DPP6: variants seen among roughly 807,000 people sequenced by gnomAD.
DPP6 encodes A-type potassium channel modulatory protein DPP6.
Under a neutral mutation model 122.6 loss-of-function variants are expected in DPP6, and 69 were observed. The observed-to-expected ratio is 0.56, with a 90% confidence interval of 0.46 to 0.69. DPP6 has a LOEUF of 0.69. Among genes scored for constraint, DPP6 ranks in the 30% least tolerant of loss-of-function variants. The pLI is 0.00. For synonymous variants in DPP6, 418 were observed against 433.1 expected (o/e 0.97, Z 0.43); for missense variants, 928 against 1,116.9 (o/e 0.83, Z 2.41).
intron 8 of DPP6, 56 bp downstream of exon 8, chr7:154,727,943 T>C (rs1279029553): frequency 6.6e-7 from 1 of 1,513,664 alleles, no homozygotes; most frequent in East Asian, 2.3e-5. Context: ...TGCTGCTACA[T>C]TGGAGTTGGG....
intron 1 of DPP6, among the ~76,000 whole-genome samples, chr7:154,356,996 A>C (rs1380768719): frequency 6.6e-6 from 1 of 152,200 alleles, no homozygotes; most frequent in South Asian, 2.1e-4. Flanking sequence ...TTAAAAATAT[A>C]ATTAAAAGTT....
chr7:154,405,972 G>A (rs143481484), intron 1 of DPP6, among the ~76,000 whole-genome samples: 24 of 152,348 alleles, frequency 1.6e-4, no homozygotes, highest in African/African-American at 5.5e-4. Context: ...GAAATGCGAT[G>A]CGTAACATAA....
the DPP6 span, among the ~76,000 whole-genome samples, chr7:153,817,281 T>A: frequency 0.087 from 12,743 of 146,260 alleles, 692 homozygotes; most frequent in East Asian, 0.11. Flanking sequence ...ATTGTACAAA[T>A]CATAAGTTTA....
chr7:154,213,907 C>T (rs916025249), intron 1 of DPP6, among the ~76,000 whole-genome samples: 6 of 152,280 alleles, frequency 3.9e-5, no homozygotes, highest in East Asian at 3.9e-4. Context: ...CAGCGGCCTT[C>T]GCTTCAAGAC....
chr7:154,128,359 C>G (rs1808088656), intron 1 of DPP6, among the ~76,000 whole-genome samples: 1 of 152,184 alleles, frequency 6.6e-6, no homozygotes, highest in African/African-American at 2.4e-5. Flanking sequence ...ATGGGAGGGT[C>G]ACTTGAGCCC....
rs1047703803 is a variant in DPP6 at position 154,628,377 on chromosome 7, G to A, written c.628-9444G>A. Among the ~76,000 whole-genome samples, 10 of 152,072 alleles carry A rather than the reference G, an allele frequency of 6.6e-5. No individual in the cohort carries two copies. In the East Asian group the frequency reaches 1.5e-3, roughly 23 times the overall value. The stretch of plus-strand genomic sequence containing the variant: ...TTAAAGACATCTATCCCTCTCCCCC[G>A]GGTCGTCTCTTGTCTGTGCAGAATA... On this transcript the variant is annotated intron_variant, in intron 5 of 25. Transcript: ENST00000377770.
chr7:154,061,871 C>T (rs1420619043), intron 1 of DPP6, among the ~76,000 whole-genome samples: 6 of 123,052 alleles, frequency 4.9e-5, no homozygotes, highest in South Asian at 6.3e-4. Context: ...GGAGGCACCC[C>T]CCGCGAGGCA....
At chr7:154,686,415 AT>A (rs55835037) in intron 7 of DPP6, among the ~76,000 whole-genome samples, 7,308 of 147,800 alleles carry the variant, frequency 0.049, 209 homozygotes, top group Non-Finnish European at 0.067. Context: ...CACCATAAGG[AT>A]TTTTTTTTTT....
chr7:154,751,168 A>G (rs574404881), intron 8 of DPP6, among the ~76,000 whole-genome samples: 1 of 152,238 alleles, frequency 6.6e-6, no homozygotes, highest in South Asian at 2.1e-4. Flanking sequence ...GGAGCTTCTT[A>G]TGATGTCTGC....
chr7:153,974,439 G>A (rs1796194484), intron 1 of DPP6, among the ~76,000 whole-genome samples: 1 of 152,116 alleles, frequency 6.6e-6, no homozygotes, highest in African/African-American at 2.4e-5. Context: ...GAAGGGTTTG[G>A]GTTAGATGAT....
chr7:154,418,673 G>GGTTGT (rs1466811624), intron 1 of DPP6, among the ~76,000 whole-genome samples: 3 of 152,154 alleles, frequency 2.0e-5, no homozygotes, highest in African/African-American at 7.2e-5. Context: ...TTTACAACCA[G>GGTTGT]ATTATATTAC....
At chr7:154,112,930 C>A (rs1225379445) in intron 1 of DPP6, among the ~76,000 whole-genome samples, 5 of 152,328 alleles carry the variant, frequency 3.3e-5, no homozygotes, top group African/African-American at 4.8e-5. Context: ...CCTCTCTACT[C>A]TCTGTACAAG....
At chr7:154,803,751 C>T (rs993467124) in intron 13 of DPP6, 113 bp from the exon 14 acceptor site, 1 of 1,451,956 alleles carries the variant, frequency 6.9e-7, no homozygotes, top group African/African-American at 1.4e-5. Flanking sequence ...GCCCTTCCCA[C>T]AGAGAGAATG....
intron 16 of DPP6, among the ~76,000 whole-genome samples, chr7:154,844,453 C>G (rs1240008932): frequency 6.6e-6 from 1 of 152,204 alleles, no homozygotes; most frequent in South Asian, 2.1e-4. Context: ...CAAAGTAGCA[C>G]AAATTTTGAG....
chr7:154,071,841 C>G (rs1803140857), intron 1 of DPP6, among the ~76,000 whole-genome samples: 1 of 152,182 alleles, frequency 6.6e-6, no homozygotes, highest in Non-Finnish European at 1.5e-5. Flanking sequence ...AGGGGGCTTT[C>G]TTCTTTCTTC....
At chr7:154,469,822 T>C (rs528739302) in intron 2 of DPP6, among the ~76,000 whole-genome samples, 1 of 152,234 alleles carries the variant, frequency 6.6e-6, no homozygotes, top group Non-Finnish European at 1.5e-5. Context: ...TCAATAAATA[T>C]GCTGGCAGAA....
intron 1 of DPP6, among the ~76,000 whole-genome samples, chr7:154,160,532 A>G (rs1466262264): frequency 2.0e-5 from 3 of 152,208 alleles, no homozygotes; most frequent in African/African-American, 7.2e-5. Context: ...CTCATGGGAC[A>G]CTTGGGTTAT....
In DPP6 at chr7:154,313,709, A is replaced by G. The variant is rs1458222591; in HGVS notation, c.244-132505A>G. On this transcript the variant is annotated intron_variant, in intron 1 of 25. Transcript: ENST00000377770. The stretch of plus-strand genomic sequence containing the variant: ...GGTATATATATATATATATATATAT[A>G]TATATACACACACACGCACGCACAC... Among the ~76,000 whole-genome samples the G allele has an allele frequency of 8.2e-3, 263 of 32,114 alleles. 41 individuals carry two copies. Among genetic ancestry groups the G allele is most frequent in the African/African-American group, 0.034 (252 of 7,500 alleles). 21.1% of individuals were successfully genotyped at this position (32,114 alleles called of 152,430 possible).
the DPP6 span, among the ~76,000 whole-genome samples, chr7:153,816,585 T>C: frequency 1.3e-5 from 2 of 151,820 alleles, no homozygotes; most frequent in African/African-American, 4.8e-5. Context: ...GAAATAAGAG[T>C]AAAGAAACCC....
Sources: gnomAD v4.1 joint callset for allele counts (sites outside exome capture counted in the v4.1 genomes callset) on GRCh38, gnomAD v4.1.1 for gene constraint, MANE v1.5 for transcripts, NCBI Gene and HGNC (gene_info 2026-07-23, HGNC 2026-07-21) for gene names.